RUSC2: variants seen among roughly 807,000 people sequenced by gnomAD.
RUSC2 encodes AP-4 complex accessory subunit RUSC2.
A neutral mutation model predicts 122.2 loss-of-function variants in RUSC2; 34 were observed. The ratio of observed to expected loss-of-function variants is 0.28; its 90% CI spans 0.21 to 0.37. The LOEUF (loss-of-function observed/expected upper bound fraction) is 0.37, where lower values mean the gene tolerates loss of function less well. Ranked by LOEUF, RUSC2 falls within the 10% of genes least tolerant of loss-of-function variation. The pLI, the probability that RUSC2 is intolerant of heterozygous loss-of-function variation, is 1.00. For missense variants in RUSC2, 1,747 were observed against 1,952.4 expected (o/e 0.89, Z 1.98); for synonymous variants, 784 against 790.0 (o/e 0.99, Z 0.13).
At chr9:35,532,603 G>C (rs1821441797) in intron 1 of RUSC2, among the ~76,000 whole-genome samples, 1 of 151,764 alleles carries the variant, frequency 6.6e-6, no homozygotes, top group Non-Finnish European at 1.5e-5. Context: ...AAATATAGCT[G>C]GGTGTGGTGG....
intron 1 of RUSC2, among the ~76,000 whole-genome samples, chr9:35,496,881 G>C (rs1168097669): frequency 6.6e-6 from 1 of 152,180 alleles, no homozygotes; most frequent in African/African-American, 2.4e-5. Context: ...AGACAGTTAT[G>C]TTTTTGCCTA....
intron 1 of RUSC2, among the ~76,000 whole-genome samples, chr9:35,496,999 A>C (rs1454383766): frequency 6.6e-6 from 1 of 152,212 alleles, no homozygotes; most frequent in Non-Finnish European, 1.5e-5. Context: ...TGAATCTGGC[A>C]TTTAATCCTC....
chr9:35,521,489 G>A (rs1396366471), intron 1 of RUSC2, among the ~76,000 whole-genome samples: 1 of 152,168 alleles, frequency 6.6e-6, no homozygotes, highest in Non-Finnish European at 1.5e-5. Flanking sequence ...CTTTTCCTGG[G>A]TATACTTTCC....
Position 35,561,874 on chromosome 9 carries a change from A to C in RUSC2, c.*492A>C. 1 of 688,254 alleles carries C rather than the reference A, an allele frequency of 1.5e-6. No individual in the cohort carries two copies. The highest frequency in any genetic ancestry group is 2.6e-6 in the Non-Finnish European group (1 of 388,876). 42.6% of individuals were successfully genotyped at this position (688,254 alleles called of 1,614,324 possible). A position where few individuals can be genotyped will look rare whatever the true frequency, so the allele number is the denominator to read the frequency against. On this transcript the variant is annotated 3_prime_UTR_variant, in exon 12 of 12. Coordinates refer to ENST00000361226, the MANE Select transcript of RUSC2 (RefSeq NM_014806.5). ...TATTTATTTATTATACCTATTAATA[A>C]AAAAGGTGCTCAGCCTCCAAACCAT...
chr9:35,529,871 G>T (rs1821388078), intron 1 of RUSC2, among the ~76,000 whole-genome samples: 1 of 152,134 alleles, frequency 6.6e-6, no homozygotes, highest in African/African-American at 2.4e-5. Flanking sequence ...CATCAAATAT[G>T]CTGTTCTCAG....
At chr9:35,501,437 C>T (rs1428346597) in intron 1 of RUSC2, among the ~76,000 whole-genome samples, 16 of 152,206 alleles carry the variant, frequency 1.1e-4, no homozygotes, top group Admixed American at 1.0e-3. Context: ...ATTAGCCAGG[C>T]ATGGTGGGGG....
At position 35,560,237 on chromosome 9, in the gene RUSC2, GCTGT is replaced by G; in HGVS notation, c.3601_3604del (p.Ser1201ProfsTer28). 1.2e-6 allele frequency: 2 copies of G among 1,602,564 alleles called. No homozygotes were observed. Among genetic ancestry groups the G allele is most frequent in the Non-Finnish European group, 1.7e-6 (2 of 1,177,596 alleles). On this transcript the variant is annotated frameshift_variant, in exon 10 of 12. Coordinates refer to ENST00000361226, the MANE Select transcript of RUSC2 (RefSeq NM_014806.5). LOFTEE classifies it high-confidence loss of function. Reference sequence around the variant, plus strand: ...TGCTGCGGGTGTCCCAGGACCTGCTGCTGTCTGCCCACTCCACGCTGCAGCTGGC... The same window carrying G: ...TGCTGCGGGTGTCCCAGGACCTGCTGCTGCCCACTCCACGCTGCAGCTGGC...
chr9:35,504,016 C>G (rs1488613667), intron 1 of RUSC2, among the ~76,000 whole-genome samples: 1 of 152,140 alleles, frequency 6.6e-6, no homozygotes, highest in Non-Finnish European at 1.5e-5. Flanking sequence ...CTCAAGTGAT[C>G]TGCCCGCCTC....
chr9:35,505,994 A>G (rs530685761), intron 1 of RUSC2, among the ~76,000 whole-genome samples: 1 of 152,326 alleles, frequency 6.6e-6, no homozygotes, highest in South Asian at 2.1e-4. Flanking sequence ...TAGTCATAAC[A>G]ATTAGGCAAG....
intron 2 of RUSC2, among the ~76,000 whole-genome samples, chr9:35,551,420 T>G: frequency 6.6e-6 from 1 of 151,010 alleles, no homozygotes. Flanking sequence ...GAGCTGTCCT[T>G]GGGGTGGGCA....
chr9:35,548,184 G>A lies in RUSC2; in HGVS notation c.1663G>A (p.Gly555Arg), dbSNP rs1821808979. ...AELAKGRKKT[G>R]GSGSPPLRVS... ...GCTGGCCAAGGGCCGGAAGAAAACT[G>A]GAGGCTCTGGCTCGCCCCCACTTCG... Residue 555 changes from glycine (G) to arginine (R), a missense_variant, in exon 2 of 12, where the codon GGA becomes AGA. Physicochemically the swap from Gly to Arg is moderately radical, Grantham distance 125. Coordinates refer to ENST00000361226, the MANE Select transcript of RUSC2 (RefSeq NM_014806.5). The surrounding 1 kb of genome is among the most constrained non-coding windows in gnomAD (Gnocchi z 4.5). 6.2e-7 allele frequency: 1 copy of A among 1,613,322 alleles called. No individual in the cohort carries two copies. The highest frequency in any genetic ancestry group is 8.5e-7 in the Non-Finnish European group (1 of 1,179,962).
At chr9:35,512,512 T>A (rs1821027735) in intron 1 of RUSC2, among the ~76,000 whole-genome samples, 1 of 152,172 alleles carries the variant, frequency 6.6e-6, no homozygotes, top group Admixed American at 6.5e-5. Flanking sequence ...TCTTTGAGGC[T>A]GTAAGTGGGT....
chr9:35,500,372 C>T (rs1210552276), intron 1 of RUSC2, among the ~76,000 whole-genome samples: 1 of 152,122 alleles, frequency 6.6e-6, no homozygotes, highest in Non-Finnish European at 1.5e-5. Context: ...AAAGACCTGC[C>T]CCCATGATTC....
chr9:35,556,648 C>A (rs949337254), intron 5 of RUSC2, among the ~76,000 whole-genome samples, 200 bp downstream of exon 5: 4 of 151,908 alleles, frequency 2.6e-5, no homozygotes, highest in African/African-American at 9.7e-5. Context: ...CATGGTGAAA[C>A]CCCATCTCTA....
At position 35,561,793 on chromosome 9, in the gene RUSC2, G is replaced by A. The variant is rs1244895326; in HGVS notation, c.*411G>A. On this transcript the variant is annotated 3_prime_UTR_variant, in exon 12 of 12. Coordinates refer to ENST00000361226, the MANE Select transcript of RUSC2 (RefSeq NM_014806.5). Reference sequence around the variant, plus strand: ...CCCAGCTGTAAATAGGCTGTGGCCAGTGCCTGGTCATCAGAAGAGGGAGGA... The same window carrying A: ...CCCAGCTGTAAATAGGCTGTGGCCAATGCCTGGTCATCAGAAGAGGGAGGA... 3.5e-6 allele frequency: 2 copies of A among 574,408 alleles called. No homozygotes were observed. Among genetic ancestry groups the A allele is most frequent in the East Asian group, 5.8e-5 (2 of 34,216 alleles). 35.6% of individuals were successfully genotyped at this position (574,408 alleles called of 1,614,324 possible). A position where few individuals can be genotyped will look rare whatever the true frequency, so the allele number is the denominator to read the frequency against.
chr9:35,493,718 G>C (rs1477122593), intron 1 of RUSC2, among the ~76,000 whole-genome samples: 1 of 152,054 alleles, frequency 6.6e-6, no homozygotes, highest in Non-Finnish European at 1.5e-5. Context: ...GGCCAGGCTG[G>C]TCTCGAACTT....
intron 2 of RUSC2, among the ~76,000 whole-genome samples, chr9:35,553,080 G>A (rs995673899): frequency 5.3e-5 from 8 of 152,196 alleles, no homozygotes; most frequent in African/African-American, 1.9e-4. Context: ...CGGAAAGGAA[G>A]GACACATTCC....
chr9:35,500,273 AAGAG>A (rs10672783), intron 1 of RUSC2, among the ~76,000 whole-genome samples: 1 of 151,454 alleles, frequency 6.6e-6, no homozygotes, highest in East Asian at 1.9e-4. Flanking sequence ...ATGACAGGCA[AAGAG>A]AGAGAGAGAG....
chr9:35,549,316 A>G (rs1587863866), intron 2 of RUSC2: 3 of 777,902 alleles, frequency 3.9e-6, no homozygotes, highest in Non-Finnish European at 4.7e-6. Flanking sequence ...TCTTTTTGAG[A>G]CGGAGTCTTG....
Sources: allele counts gnomAD v4.1 joint callset (sites outside exome capture counted in the v4.1 genomes callset), GRCh38; gene constraint gnomAD v4.1.1; non-coding constraint Gnocchi (gnomAD v3.1); transcripts MANE v1.5; gene names NCBI Gene and HGNC (gene_info 2026-07-23, HGNC 2026-07-21).